SLX4: variants seen among roughly 807,000 people sequenced by gnomAD.
SLX4 encodes the protein structure-specific endonuclease subunit SLX4.
Under a neutral mutation model 146.2 loss-of-function variants are expected in SLX4, and 112 were observed. The observed-to-expected ratio is 0.77, with a 90% CI of 0.66 to 0.90. SLX4 has a LOEUF of 0.90. Ranked by LOEUF, SLX4 falls within the 40% of genes least tolerant of loss-of-function variation. SLX4 has a pLI of 0.00. For missense variants in SLX4, 2,563 were observed against 2,392.7 expected (o/e 1.07, Z -1.49); for synonymous variants, 1,061 against 997.7 (o/e 1.06, Z -1.20).
chr16:3,604,420 G>A (rs2040761252), intron 3 of SLX4, among the ~76,000 whole-genome samples: 1 of 152,134 alleles, frequency 6.6e-6, no homozygotes, highest in Non-Finnish European at 1.5e-5. Context: ...CTGGACGCCA[G>A]GCACTATTAT....
chr16:3,602,304 T>C lies in SLX4; in HGVS notation c.764A>G (p.Tyr255Cys), dbSNP rs1239712670. ...PQEEMMAGNVYGLGPPAPESD... is the reference protein window; with the variant it reads ...PQEEMMAGNVCGLGPPAPESD... ...CTCTGGGGCAGGGGGCCCAAGCCCATACACTGTGGAGAAGCACCAAAGATC... is the reference window on the plus strand; with the variant it reads ...CTCTGGGGCAGGGGGCCCAAGCCCACACACTGTGGAGAAGCACCAAAGATC... Residue 255 changes from tyrosine to cysteine, a missense_variant, in exon 4 of 15, where the codon TAT becomes TGT. Physicochemically the swap from Tyr to Cys is radical, Grantham distance 194 (BLOSUM62 -2). Coordinates refer to ENST00000294008, the MANE Select transcript of SLX4 (RefSeq NM_032444.4). The C allele has an allele frequency of 1.2e-6, 2 of 1,613,812 alleles. No homozygotes were observed. The highest frequency in any genetic ancestry group is 2.2e-5 in the East Asian group (1 of 44,886).
In SLX4 at chr16:3,597,723, A is replaced by G; in HGVS notation, c.1367-28T>C. On this transcript the variant is annotated intron_variant, in intron 6 of 14. Transcript: ENST00000294008. This position sits in a 1 kb window ranked among gnomAD's most constrained non-coding sequence, Gnocchi z 4.4. ...AGAGAGAAACAAAAGCGACACCATC[A>G]ACGGTGGAGTCGGTCCACTCACCCG... 1 of 1,614,018 alleles carries G rather than the reference A, an allele frequency of 6.2e-7. No homozygotes were observed. The highest frequency in any genetic ancestry group is 8.5e-7 in the Non-Finnish European group (1 of 1,179,978).
At chr16:3,598,103 G>C (rs561529828) in intron 5 of SLX4, 104 bp from the exon 6 acceptor site, 3 of 1,351,852 alleles carry the variant, frequency 2.2e-6, no homozygotes, top group Middle Eastern at 1.9e-4. Flanking sequence ...GAAAAGTGAC[G>C]GATGTGGACC....
At chr16:3,607,789 C>T (rs1206194788) in intron 2 of SLX4, among the ~76,000 whole-genome samples, 1 of 152,188 alleles carries the variant, frequency 6.6e-6, no homozygotes, top group Non-Finnish European at 1.5e-5. Context: ...GGGACTTGAG[C>T]CCACACAGAG....
In SLX4 at chr16:3,595,616, C is replaced by T. The variant is rs970090954; in HGVS notation, c.2002G>A (p.Gly668Ser). 24 of 1,613,754 alleles carry T rather than the reference C, an allele frequency of 1.5e-5. No homozygotes were observed. The highest frequency in any genetic ancestry group is 5.0e-5 in the Admixed American group (3 of 60,004). ...PSQDKHPDRG[G>S]RTLLSLGLLV... ...GAGCCAGTTCTTACCAAGGTGCGGC[C>T]GCCCCTGTCCGGGTGCTTGTCCTGC... Residue 668 changes from glycine (G) to serine (S), a missense_variant, in exon 9 of 15, where the codon GGC (glycine) becomes AGC (serine). Transcript: ENST00000294008.
chr16:3,592,102 G>A (rs1176111871), intron 11 of SLX4, among the ~76,000 whole-genome samples: 1 of 152,268 alleles, frequency 6.6e-6, no homozygotes, highest in East Asian at 1.9e-4. Context: ...CTGCTTGAAG[G>A]CTCTGTGGCC....
In SLX4 at chr16:3,606,489, T is replaced by C. The variant is rs1465209756; in HGVS notation, c.745A>G (p.Met249Val). 3 of 1,614,216 alleles carry C rather than the reference T, an allele frequency of 1.9e-6. No individual in the cohort carries two copies. Among genetic ancestry groups the C allele is most frequent in the Admixed American group, 1.7e-5 (1 of 60,024 alleles). The change falls in exon 3 of 15, where the codon ATG becomes GTG. Residue 249 changes from methionine (M) to valine (V), a missense_variant. By Grantham distance (21) the Met-to-Val change is conservative. Coordinates refer to ENST00000294008, the MANE Select transcript of SLX4 (RefSeq NM_032444.4). The part of the protein sequence containing the change: ...ENVPKDPQEE[M>V]MAGNVYGLGP... ...CTCATCATACCATTCCCCGCCATCA[T>C]CTCCTCTTGAGGATCCTTTGGGACA...
chr16:3,582,426 G>C lies in SLX4; in HGVS notation c.5421C>G (p.Thr1807=), dbSNP rs779459876. 1 of 1,613,924 alleles carries C rather than the reference G, an allele frequency of 6.2e-7. No individual in the cohort carries two copies. The highest frequency in any genetic ancestry group is 2.2e-5 in the East Asian group (1 of 44,884). The change falls in exon 15 of 15, where the codon ACC becomes ACG. Residue 1807 remains threonine, a synonymous_variant. Transcript: ENST00000294008. ...LLDFLDTHCI[T]FTTAATRREK... Reference sequence around the variant, plus strand: ...CCCTGCGGGTGGCGGCAGTGGTGAAGGTGATACAGTGGGTGTCCAGGAAGT... The same window carrying C: ...CCCTGCGGGTGGCGGCAGTGGTGAACGTGATACAGTGGGTGTCCAGGAAGT...
At chr16:3,606,444 G>T (rs756852479) in intron 3 of SLX4, 30 bp downstream of exon 3, 8 of 1,608,796 alleles carry the variant, frequency 5.0e-6, no homozygotes, top group Non-Finnish European at 6.8e-6. Context: ...ACTTATCTCT[G>T]TGTGGAAGAC....
chr16:3,597,739 C>A lies in SLX4; in HGVS notation c.1367-44G>T, dbSNP rs185962726. The A allele has an allele frequency of 9.7e-5, 156 of 1,614,036 alleles. No individual in the cohort carries two copies. Among genetic ancestry groups the A allele is most frequent in the Non-Finnish European group, 1.2e-4 (137 of 1,179,954 alleles). The stretch of plus-strand genomic sequence containing the variant: ...GACACCATCAACGGTGGAGTCGGTC[C>A]ACTCACCCGGGACCTGCTGATGGCC... On this transcript the variant is annotated intron_variant, in intron 6 of 14. Transcript: ENST00000294008. This position sits in a 1 kb window ranked among gnomAD's most constrained non-coding sequence, Gnocchi z 4.4.
Position 3,583,148 on chromosome 16 carries a change from T to A in SLX4, c.5102A>T (p.Glu1701Val), listed in dbSNP as rs2040461062. 1.2e-6 allele frequency: 2 copies of A among 1,614,220 alleles called. No individual in the cohort carries two copies. Among genetic ancestry groups the A allele is most frequent in the African/African-American group, 1.3e-5 (1 of 75,062 alleles). ...NDDAQIPASQ[E>V]SVATSVDGSD... ...GCCATCCACAGAGGTGGCCACGGATTCTTGAGAGGCTGGGATCTGGGCGTC... is the reference window on the plus strand; with the variant it reads ...GCCATCCACAGAGGTGGCCACGGATACTTGAGAGGCTGGGATCTGGGCGTC... Residue 1701 changes from glutamate to valine, a missense_variant, in exon 14 of 15, where the codon GAA becomes GTA. Physicochemically the swap from Glu to Val is moderately radical, Grantham distance 121. Transcript: ENST00000294008.
rs1280666123 is a variant in SLX4 at position 3,601,041 on chromosome 16, C to T, written c.1101G>A (p.Leu367=). 1 of 1,613,950 alleles carries T rather than the reference C, an allele frequency of 6.2e-7. No homozygotes were observed. The highest frequency in any genetic ancestry group is 8.5e-7 in the Non-Finnish European group (1 of 1,180,010). The change falls in exon 5 of 15, where the codon CTG becomes CTA. Residue 367 remains leucine, a synonymous_variant. Transcript: ENST00000294008. ...CTGTCTGCAGCCGCACAGCCTGAAG[C>T]AGGAGCTGGGGGCCAACCTCCATCT... ...AVKMEVGPQL[L]LQAVRLQTAQ...
Position 3,597,951 on chromosome 16 carries a change from C to G in SLX4, c.1212G>C (p.Lys404Asn), listed in dbSNP as rs751277872. ...CCTTCCGCCTCTTCCGTGGCTCCTT[C>G]TTGCTGGTGGGTCCTCTCCGTTTCA... ...RGLKRRGPTS[K>N]KEPRKRRKVD... Residue 404 changes from lysine (K) to asparagine (N), a missense_variant, in exon 6 of 15, where the codon AAG becomes AAC. Coordinates refer to ENST00000294008, the MANE Select transcript of SLX4 (RefSeq NM_032444.4). The surrounding 1 kb of genome is among the most constrained non-coding windows in gnomAD (Gnocchi z 4.4). 1.9e-6 allele frequency: 3 copies of G among 1,614,168 alleles called. No homozygotes were observed. In the Admixed American group the frequency reaches 5.0e-5, roughly 27 times the overall value.
chr16:3,597,380 T>A lies in SLX4; in HGVS notation c.1682A>T (p.Gln561Leu). The A allele has an allele frequency of 6.4e-7, 1 of 1,562,816 alleles. No individual in the cohort carries two copies. Among genetic ancestry groups the A allele is most frequent in the Non-Finnish European group, 8.7e-7 (1 of 1,152,986 alleles). Residue 561 changes from glutamine to leucine, a missense_variant and splice_region_variant, in exon 7 of 15, where the codon CAG (glutamine) becomes CTG (leucine). Transcript: ENST00000294008. This position sits in a 1 kb window ranked among gnomAD's most constrained non-coding sequence, Gnocchi z 4.4. ...VPPLVPQRPA[Q>L]GLMQEPVPPL... ...ATGTGCCTGAGGGGAGGGACTCACC[T>A]GGGCAGGCCGCTGGGGCACGAGAGG...
In SLX4 at chr16:3,608,861, G is replaced by A; in HGVS notation, c.104C>T (p.Pro35Leu). Residue 35 changes from proline to leucine, a missense_variant, in exon 2 of 15, where the codon CCT becomes CTT. Transcript: ENST00000294008. ...GIDPRSSEDQ[P>L]ESLKTGQMMD... ...CATCTGACCAGTTTTAAGGCTTTCA[G>A]GCTGGTCTTCAGAGGAGCGAGGGTC... 1.2e-6 allele frequency: 2 copies of A among 1,614,164 alleles called. No individual in the cohort carries two copies. The highest frequency in any genetic ancestry group is 1.7e-6 in the Non-Finnish European group (2 of 1,180,052).
chr16:3,601,929 GTTTAAA>G (rs1159851860), intron 4 of SLX4, 183 bp downstream of exon 4: 11 of 644,558 alleles, frequency 1.7e-5, no homozygotes, highest in Non-Finnish European at 2.4e-5. Flanking sequence ...GATTTGTTCA[GTTTAAA>G]TGGGTGAACT....
rs2040458167 is a variant in SLX4 at position 3,582,980 on chromosome 16, C to A, written c.5153+117G>T. On this transcript the variant is annotated intron_variant, in intron 14 of 14. Transcript: ENST00000294008. ...CACCTGGTTTTCCCACAGGTCAAAC[C>A]CAGAAGGTGACGGGGGTTTTTGAAG... 6 of 1,382,552 alleles carry A rather than the reference C, an allele frequency of 4.3e-6. No individual in the cohort carries two copies. The Admixed American group carries it at 1.0e-4, about 24-fold the overall frequency. 85.6% of individuals were successfully genotyped at this position (1,382,552 alleles called of 1,614,324 possible).
intron 13 of SLX4, 98 bp downstream of exon 13, chr16:3,584,671 A>T (rs1596516608): frequency 1.1e-6 from 1 of 934,238 alleles, no homozygotes. Context: ...AGACCCAGAG[A>T]CCACACGGGG....
In SLX4 at chr16:3,590,694, C is replaced by T. The variant is rs753733757; in HGVS notation, c.2944G>A (p.Asp982Asn). 1 of 1,614,198 alleles carries T rather than the reference C, an allele frequency of 6.2e-7. No individual in the cohort carries two copies. The highest frequency in any genetic ancestry group is 1.7e-5 in the Admixed American group (1 of 60,024). ...GSLPHSDDAG[D>N]YEQLFSSTQG... The stretch of plus-strand genomic sequence containing the variant: ...GTTGATGAGAAGAGCTGTTCGTAAT[C>T]CCCGGCATCATCTGAGTGCGGAAGA... Residue 982 changes from aspartate to asparagine, a missense_variant, in exon 12 of 15, where the codon GAT becomes AAT. Coordinates refer to ENST00000294008, the MANE Select transcript of SLX4 (RefSeq NM_032444.4). This position sits in a 1 kb window ranked among gnomAD's most constrained non-coding sequence, Gnocchi z 4.8.
Sources: gnomAD v4.1 joint callset for allele counts (sites outside exome capture counted in the v4.1 genomes callset) on GRCh38, gnomAD v4.1.1 for gene constraint, Gnocchi (gnomAD v3.1) non-coding constraint, MANE v1.5 for transcripts, NCBI Gene and HGNC (gene_info 2026-07-23, HGNC 2026-07-21) for gene names.